Variants in PRKCH observed in about 807,000 individuals in gnomAD.
PRKCH encodes protein kinase C eta, also known as protein kinase C eta type.
A neutral mutation model predicts 82.5 loss-of-function variants in PRKCH; 28 were observed. That is an observed-to-expected ratio of 0.34 (90% CI 0.25 to 0.47). The LOEUF is 0.47. PRKCH is among the 20% of genes least tolerant of loss of function. The pLI is 1.00. For synonymous variants in PRKCH, 322 were observed against 327.4 expected (o/e 0.98, Z 0.18); for missense variants, 705 against 881.8 (o/e 0.80, Z 2.54).
intron 10 of PRKCH, among the ~76,000 whole-genome samples, chr14:61,497,189 C>T (rs1199721128): frequency 2.0e-5 from 3 of 152,176 alleles, no homozygotes; most frequent in Non-Finnish European, 4.4e-5. Flanking sequence ...AGAGCTGGGG[C>T]TCCTGAGTAG....
At chr14:61,224,650 T>G (rs2044682527) in intron 1 of PRKCH, among the ~76,000 whole-genome samples, 1 of 152,226 alleles carries the variant, frequency 6.6e-6, no homozygotes, top group African/African-American at 2.4e-5. Context: ...CACAGAGGTA[T>G]ATTGCTACTC....
At position 61,323,224 on chromosome 14, in the gene PRKCH, T is replaced by C. The variant is rs909303789; in HGVS notation, c.363+760T>C. 2.0e-5 allele frequency among the ~76,000 whole-genome samples: 3 copies of C among 152,180 alleles called. No homozygotes were observed. The South Asian group carries it at 6.2e-4, about 32-fold the overall frequency. Reference sequence around the variant, plus strand: ...GTGTTCCTGGGTATTGACGTGTAGCTACCCGCAGCTCTCCCCTTGCCTCTG... The same window carrying C: ...GTGTTCCTGGGTATTGACGTGTAGCCACCCGCAGCTCTCCCCTTGCCTCTG... On this transcript the variant is annotated intron_variant, in intron 1 of 13. Coordinates refer to ENST00000332981, the MANE Select transcript of PRKCH (RefSeq NM_006255.5).
intron 1 of PRKCH, chr14:61,304,986 T>C (rs1022562301): frequency 6.6e-6 from 1 of 152,156 alleles, no homozygotes; most frequent in African/African-American, 2.4e-5. Context: ...TTATTCTATA[T>C]TTTTGGTTTT....
At chr14:61,460,833 A>T (rs1451851825) in intron 9 of PRKCH, among the ~76,000 whole-genome samples, 1 of 152,160 alleles carries the variant, frequency 6.6e-6, no homozygotes, top group Non-Finnish European at 1.5e-5. Flanking sequence ...TGAAGTTCCA[A>T]CTTGCATTCC....
Position 61,514,478 on chromosome 14 carries a change from A to G in PRKCH, c.1434-14597A>G, listed in dbSNP as rs192335490. ...TCTGGGGTGGACTTGAGAGCCACAGAGTATGCTGTCCTGGTCTTAGGTCAT... is the reference window on the plus strand; with the variant it reads ...TCTGGGGTGGACTTGAGAGCCACAGGGTATGCTGTCCTGGTCTTAGGTCAT... On this transcript the variant is annotated intron_variant, in intron 10 of 13. Transcript: ENST00000332981. Among the ~76,000 whole-genome samples the G allele has an allele frequency of 7.9e-5, 12 of 152,188 alleles. No individual in the cohort carries two copies. In the East Asian group the frequency reaches 1.9e-3, roughly 25 times the overall value.
intron 1 of PRKCH, among the ~76,000 whole-genome samples, chr14:61,189,355 T>G (rs529687847): frequency 6.4e-4 from 97 of 151,086 alleles, no homozygotes; most frequent in African/African-American, 2.3e-3. Flanking sequence ...ATTCTCAAGT[T>G]TAGGGCAAAG....
chr14:61,238,820 G>C (rs1156843809), intron 1 of PRKCH, among the ~76,000 whole-genome samples: 1 of 152,212 alleles, frequency 6.6e-6, no homozygotes, highest in Non-Finnish European at 1.5e-5. Context: ...AAGGGAAGCT[G>C]TGACAACAAA....
At chr14:61,451,902 T>C (rs1319058764) in intron 6 of PRKCH, among the ~76,000 whole-genome samples, 1 of 152,234 alleles carries the variant, frequency 6.6e-6, no homozygotes, top group Admixed American at 6.5e-5. Context: ...CTTCTATCTC[T>C]GTAGAACACT....
intron 2 of PRKCH, among the ~76,000 whole-genome samples, chr14:61,440,267 T>C (rs8016759): frequency 0.027 from 4,167 of 152,278 alleles, 201 homozygotes; most frequent in African/African-American, 0.095. Context: ...GTAACTTTTG[T>C]TCTTCCGCAG....
At chr14:61,387,258 T>C (rs1465281564) in intron 1 of PRKCH, among the ~76,000 whole-genome samples, 1 of 152,244 alleles carries the variant, frequency 6.6e-6, no homozygotes, top group Non-Finnish European at 1.5e-5. Context: ...AGAGAAGGAA[T>C]GTGCCTGCCC....
At chr14:61,440,006 A>G (rs528614064) in intron 2 of PRKCH, among the ~76,000 whole-genome samples, 2 of 152,338 alleles carry the variant, frequency 1.3e-5, no homozygotes, top group South Asian at 4.1e-4. Flanking sequence ...ATTCTTGGTA[A>G]TTAGATCCCC....
At chr14:61,389,698 CAA>C (rs112924735) in intron 1 of PRKCH, among the ~76,000 whole-genome samples, 38 of 104,590 alleles carry the variant, frequency 3.6e-4, no homozygotes, top group Admixed American at 4.1e-4. Context: ...GACCCTGTCT[CAA>C]AAAAAAAAAA....
intron 9 of PRKCH, among the ~76,000 whole-genome samples, chr14:61,480,037 C>T (rs1364129319): frequency 6.6e-6 from 1 of 152,224 alleles, no homozygotes; most frequent in African/African-American, 2.4e-5. Flanking sequence ...AAACCGGTCT[C>T]CTGGCCTTGA....
chr14:61,239,961 TG>T (rs2044822082), intron 1 of PRKCH, among the ~76,000 whole-genome samples: 2 of 152,238 alleles, frequency 1.3e-5, no homozygotes, highest in South Asian at 4.1e-4. Flanking sequence ...TTTACTTTTT[TG>T]TTGTTTATTA....
chr14:61,518,135 C>T (rs1264057118), intron 10 of PRKCH, among the ~76,000 whole-genome samples: 1 of 152,202 alleles, frequency 6.6e-6, no homozygotes, highest in Non-Finnish European at 1.5e-5. Flanking sequence ...AGCATCCAGT[C>T]TGTGCTATCA....
rs553891763 is a variant in PRKCH at position 61,193,517 on chromosome 14, T to C, written c.-19+5849T>C. Among the ~76,000 whole-genome samples the C allele has an allele frequency of 2.0e-5, 3 of 152,250 alleles. No homozygotes were observed. The South Asian group carries it at 6.2e-4, about 32-fold the overall frequency. ...ATTAATGTAAAGAGTGATTATCTGT[T>C]GTTTTAGAATATTAAAAAAAAAACA... On this transcript the variant is annotated intron_variant, in intron 1 of 3. Transcript: ENST00000555185.
intron 1 of PRKCH, among the ~76,000 whole-genome samples, chr14:61,282,926 A>G (rs913698236): frequency 2.6e-5 from 4 of 152,158 alleles, no homozygotes; most frequent in Non-Finnish European, 5.9e-5. Flanking sequence ...CAATAAAAGA[A>G]TAAATAGTTC....
intron 10 of PRKCH, among the ~76,000 whole-genome samples, chr14:61,499,796 G>A (rs893537668): frequency 2.0e-5 from 3 of 151,508 alleles, no homozygotes; most frequent in Non-Finnish European, 2.9e-5. Flanking sequence ...AGGGATGTAC[G>A]GCTTTTGGAA....
intron 10 of PRKCH, among the ~76,000 whole-genome samples, chr14:61,523,584 T>G (rs1566927558): frequency 6.6e-6 from 1 of 152,224 alleles, no homozygotes; most frequent in Non-Finnish European, 1.5e-5. Context: ...AAAATAAGAA[T>G]ATAGATAAAG....
Sources: gnomAD v4.1 joint callset for allele counts (sites outside exome capture counted in the v4.1 genomes callset) on GRCh38, gnomAD v4.1.1 for gene constraint, MANE v1.5 for transcripts, NCBI Gene and HGNC (gene_info 2026-07-23, HGNC 2026-07-21) for gene names.